ENTPD1: variants seen among roughly 807,000 people sequenced by gnomAD.
ENTPD1 encodes ATP diphosphohydrolase.
A neutral mutation model predicts 57.0 loss-of-function variants in ENTPD1; 33 were observed. That is an observed-to-expected ratio of 0.58 (90% CI 0.44 to 0.77). ENTPD1 has a LOEUF of 0.77. Among genes scored for constraint, ENTPD1 ranks in the 30% least tolerant of loss-of-function variants. ENTPD1 has a pLI of 0.00. For synonymous variants in ENTPD1, 202 were observed against 218.8 expected (o/e 0.92, Z 0.68); for missense variants, 501 against 603.4 (o/e 0.83, Z 1.78).
intron 1 of ENTPD1, among the ~76,000 whole-genome samples, chr10:95,793,782 G>A (rs2098215497): frequency 6.6e-6 from 1 of 152,040 alleles, no homozygotes; most frequent in African/African-American, 2.4e-5. Flanking sequence ...CTGACATGGG[G>A]CTGAACAGGA....
In ENTPD1 at chr10:95,860,531, G is replaced by C. The variant is rs994434491; in HGVS notation, c.1137G>C (p.Gln379His). Residue 379 changes from glutamine (Q) to histidine (H), a missense_variant, in exon 8 of 10, where the codon CAG (glutamine) becomes CAC (histidine). Gln to His is a conservative substitution (Grantham distance 24, BLOSUM62 0). Transcript: ENST00000371205. Reference protein sequence around the residue: ...FLNLTSEKVSQEKVTEMMKKF... With the variant: ...FLNLTSEKVSHEKVTEMMKKF... ...ACTTGACATCAGAGAAAGTCTCTCA[G>C]GAAAAGGTGACTGAGATGATGAAAA... 1.9e-6 allele frequency: 3 copies of C among 1,613,832 alleles called. No individual in the cohort carries two copies. The Admixed American group carries it at 5.0e-5, about 27-fold the overall frequency.
At chr10:95,794,697 C>A (rs2098219058) in intron 1 of ENTPD1, among the ~76,000 whole-genome samples, 1 of 152,004 alleles carries the variant, frequency 6.6e-6, no homozygotes, top group Non-Finnish European at 1.5e-5. Flanking sequence ...TGAAGGGTAC[C>A]AGTTAGTGTG....
At position 95,782,560 on chromosome 10, in the gene ENTPD1, C is replaced by T. The variant is rs146717747; in HGVS notation, c.16+26305C>T. ...GCTAAAATATTTTCAGAGCCTATCACGTGAACCTGGTAAAAACAACCCAGT... is the reference window on the plus strand; with the variant it reads ...GCTAAAATATTTTCAGAGCCTATCATGTGAACCTGGTAAAAACAACCCAGT... On this transcript the variant is annotated intron_variant, in intron 1 of 9. Transcript: ENST00000371205. Among the ~76,000 whole-genome samples the T allele has an allele frequency of 5.7e-3, 866 of 152,264 alleles. 2 individuals carry two copies. Among genetic ancestry groups the T allele is most frequent in the Non-Finnish European group, 9.0e-3 (615 of 68,020 alleles).
chr10:95,872,899 A>G lies in ENTPD1; in HGVS notation c.*6516A>G. On this transcript the variant is annotated 3_prime_UTR_variant, in exon 10 of 10. Transcript: ENST00000371205. ...GCCACATGGAACTTTTCCTTTTTGG[A>G]ACATGCCTTTAGTTTCTGTGTAGTT... 1 of 985,428 alleles carries G rather than the reference A, an allele frequency of 1.0e-6. No individual in the cohort carries two copies. The highest frequency in any genetic ancestry group is 1.2e-6 in the Non-Finnish European group (1 of 829,930). The allele number at this position is 985,428 out of a possible 1,614,324, so 61.0% of individuals were successfully genotyped here.
intron 1 of ENTPD1, among the ~76,000 whole-genome samples, chr10:95,778,847 A>G (rs147294714): frequency 6.6e-6 from 1 of 152,094 alleles, no homozygotes; most frequent in East Asian, 1.9e-4. Flanking sequence ...ACCTTTTCAC[A>G]TATTATCTTA....
chr10:95,799,938 G>A (rs2098242028), intron 1 of ENTPD1, among the ~76,000 whole-genome samples: 1 of 152,062 alleles, frequency 6.6e-6, no homozygotes, highest in Non-Finnish European at 1.5e-5. Context: ...TTATTCTGAA[G>A]AGTGTCTGTT....
intron 2 of ENTPD1, among the ~76,000 whole-genome samples, chr10:95,836,145 C>T (rs1179175359): frequency 1.3e-5 from 2 of 152,126 alleles, no homozygotes; most frequent in Non-Finnish European, 2.9e-5. Context: ...AAGTGTATGG[C>T]TTTATTTCAG....
At chr10:95,754,410 G>A (rs1030350753), upstream of ENTPD1, 1 of 151,988 alleles carries the variant, frequency 6.6e-6, no homozygotes, top group African/African-American at 2.4e-5. Context: ...ACAAGCTCAG[G>A]TACTTGTTTG....
chr10:95,786,250 G>A (rs534076747), intron 1 of ENTPD1, among the ~76,000 whole-genome samples: 2 of 152,246 alleles, frequency 1.3e-5, no homozygotes, highest in Non-Finnish European at 1.5e-5. Context: ...CCACAGCCAG[G>A]TTTTGGTGAG....
upstream of ENTPD1, among the ~76,000 whole-genome samples, chr10:95,708,232 TG>T (rs1299332032): frequency 6.5e-4 from 89 of 137,488 alleles, no homozygotes; most frequent in African/African-American, 2.1e-3. Context: ...TTTTTTTTTT[TG>T]AGACAGAGTC....
chr10:95,825,534 GTTTT>G (rs1311251896), intron 2 of ENTPD1, among the ~76,000 whole-genome samples: 1 of 151,998 alleles, frequency 6.6e-6, no homozygotes, highest in Non-Finnish European at 1.5e-5. Flanking sequence ...ACTGATACAT[GTTTT>G]TTGTTTGTTT....
the ENTPD1 span, among the ~76,000 whole-genome samples, chr10:95,702,923 A>G: frequency 6.6e-6 from 1 of 152,006 alleles, no homozygotes; most frequent in Non-Finnish European, 1.5e-5. Flanking sequence ...TGGGAATGAC[A>G]GGCACCTGCC....
intron 1 of ENTPD1, among the ~76,000 whole-genome samples, chr10:95,741,324 C>T (rs576897628): frequency 1.5e-4 from 23 of 152,234 alleles, no homozygotes; most frequent in African/African-American, 5.1e-4. Flanking sequence ...AACAATCAGA[C>T]CACAAACAGC....
At chr10:95,718,568 T>C (rs541068944) in intron 1 of ENTPD1, among the ~76,000 whole-genome samples, 161 of 152,298 alleles carry the variant, frequency 1.1e-3, no homozygotes, top group African/African-American at 3.8e-3. Flanking sequence ...AGGAATTTCC[T>C]TTCTCTCCAT....
At chr10:95,767,644 C>G (rs1460355570) in intron 1 of ENTPD1, among the ~76,000 whole-genome samples, 1 of 151,606 alleles carries the variant, frequency 6.6e-6, no homozygotes, top group Non-Finnish European at 1.5e-5. Context: ...TCTTGGGACC[C>G]TAATCTTGAT....
chr10:95,745,259 C>A (rs958737755), intron 1 of ENTPD1, among the ~76,000 whole-genome samples: 1 of 152,176 alleles, frequency 6.6e-6, no homozygotes, highest in Non-Finnish European at 1.5e-5. Flanking sequence ...TCATAGCTCA[C>A]TGCAGCCTTG....
chr10:95,709,485 G>A (rs2097963874), upstream of ENTPD1, among the ~76,000 whole-genome samples: 1 of 152,132 alleles, frequency 6.6e-6, no homozygotes, highest in Non-Finnish European at 1.5e-5. Context: ...CCGGGTTCAA[G>A]CGATTCTTCT....
At chr10:95,857,701 T>A (rs913294115) in intron 7 of ENTPD1, among the ~76,000 whole-genome samples, 1 of 152,212 alleles carries the variant, frequency 6.6e-6, no homozygotes, top group African/African-American at 2.4e-5. Flanking sequence ...TTTCTGCCAC[T>A]TATTTACGGA....
In ENTPD1 at chr10:95,714,300, T is replaced by A. The variant is rs938389102; in HGVS notation, c.37+2307T>A. Among the ~76,000 whole-genome samples the A allele has an allele frequency of 9.2e-5, 14 of 152,152 alleles. No homozygotes were observed. In the East Asian group the frequency reaches 2.3e-3, roughly 25 times the overall value. ...TACTACTGCAGCTTGGGCAATAGAA[T>A]GAGACCCTGTCTCGAAAAAGGAATA... On this transcript the variant is annotated intron_variant, in intron 1 of 9. Transcript: ENST00000453258.
Sources: gnomAD v4.1 joint callset for allele counts (sites outside exome capture counted in the v4.1 genomes callset) on GRCh38, gnomAD v4.1.1 for gene constraint, MANE v1.5 for transcripts, NCBI Gene and HGNC (gene_info 2026-07-23, HGNC 2026-07-21) for gene names.